EPHA3: variants seen among roughly 807,000 people sequenced by gnomAD.
The protein encoded by EPHA3 is EPH receptor A3.
In EPHA3, 42 loss-of-function variants were observed where a neutral mutation model predicts 107.1. The observed-to-expected ratio is 0.39, with a 90% confidence interval of 0.31 to 0.51. The LOEUF is 0.51. Among genes scored for constraint, EPHA3 ranks in the 20% least tolerant of loss-of-function variants. EPHA3 has a pLI of 0.78. For synonymous variants in EPHA3, 461 were observed against 424.8 expected (o/e 1.09, Z -1.05); for missense variants, 1,183 against 1,211.2 (o/e 0.98, Z 0.35).
At chr3:89,233,162 AAT>A (rs752198556) in intron 3 of EPHA3, among the ~76,000 whole-genome samples, 1 of 151,808 alleles carries the variant, frequency 6.6e-6, no homozygotes, top group South Asian at 2.1e-4. Context: ...GAGTATTTGA[AAT>A]ATATATATAT....
intron 3 of EPHA3, among the ~76,000 whole-genome samples, chr3:89,283,275 T>C (rs1368742239): frequency 6.6e-6 from 1 of 152,142 alleles, no homozygotes; most frequent in Non-Finnish European, 1.5e-5. Flanking sequence ...TGAAACGTCA[T>C]GGAATTCTAA....
intron 2 of EPHA3, among the ~76,000 whole-genome samples, chr3:89,150,920 G>T (rs943402606): frequency 9.2e-5 from 14 of 152,090 alleles, no homozygotes; most frequent in Middle Eastern, 3.4e-3. Flanking sequence ...AGGCTGCAGT[G>T]AGCTATGGAT....
intron 3 of EPHA3, among the ~76,000 whole-genome samples, chr3:89,229,553 A>G (rs1704580066): frequency 6.6e-6 from 1 of 151,084 alleles, no homozygotes; most frequent in African/African-American, 2.4e-5. Flanking sequence ...ATATATATTT[A>G]ATTAGGTTTC....
intron 2 of EPHA3, among the ~76,000 whole-genome samples, chr3:89,207,710 G>T (rs1389504096): frequency 1.3e-5 from 2 of 151,846 alleles, no homozygotes; most frequent in Non-Finnish European, 2.9e-5. Flanking sequence ...TTTATAATGG[G>T]CTTCACAAGG....
In EPHA3 at chr3:89,479,692, G is replaced by A. The variant is rs1256045467; in HGVS notation, c.*190G>A. 3 of 508,354 alleles carry A rather than the reference G, an allele frequency of 5.9e-6. No individual in the cohort carries two copies. Among genetic ancestry groups the A allele is most frequent in the Non-Finnish European group, 1.1e-5 (3 of 285,244 alleles). 31.5% of individuals were successfully genotyped at this position (508,354 alleles called of 1,614,324 possible). On this transcript the variant is annotated 3_prime_UTR_variant, in exon 17 of 17. Transcript: ENST00000336596. ...TTTTCCCCTATCATTTATTGGATGG[G>A]TGGGTGGGGTATTTTTTTGTAATTG...
chr3:89,194,203 T>C (rs1286892957), intron 2 of EPHA3, among the ~76,000 whole-genome samples: 5 of 151,986 alleles, frequency 3.3e-5, no homozygotes, highest in Admixed American at 2.6e-4. Context: ...AGTACATGGA[T>C]TGATGTGCTA....
At chr3:89,165,127 A>G (rs1456212501) in intron 2 of EPHA3, among the ~76,000 whole-genome samples, 1 of 152,200 alleles carries the variant, frequency 6.6e-6, no homozygotes, top group Non-Finnish European at 1.5e-5. Context: ...TTTGTAAGTG[A>G]TTCTAATGCA....
rs144010910 is a variant in EPHA3, at chr3:89,362,206, T to C, written c.1306+20116T>C. On this transcript the variant is annotated intron_variant, in intron 5 of 16. Transcript: ENST00000336596. ...TAATCCAGAAGATCTTCATTTCTTT[T>C]TGGGTTGAACATATCTGCTATCTTG... Among the ~76,000 whole-genome samples, 606 of 151,230 alleles carry C rather than the reference T, an allele frequency of 4.0e-3. 16 individuals carry two copies. The highest frequency in any genetic ancestry group is 0.014 in the African/African-American group (566 of 41,460).
At chr3:89,143,866 T>C (rs1160187393) in intron 2 of EPHA3, among the ~76,000 whole-genome samples, 2 of 151,672 alleles carry the variant, frequency 1.3e-5, no homozygotes, top group Non-Finnish European at 3.0e-5. Context: ...TAGTCAATAA[T>C]ATATTTTACC....
At chr3:89,230,824 T>TCA (rs61566796) in intron 3 of EPHA3, among the ~76,000 whole-genome samples, 3,408 of 139,508 alleles carry the variant, frequency 0.024, 54 homozygotes, top group South Asian at 0.044. Context: ...TCTCTCTCTC[T>TCA]CACACACACA....
At chr3:89,435,230 A>G (rs1709643721) in intron 13 of EPHA3, among the ~76,000 whole-genome samples, 1 of 151,868 alleles carries the variant, frequency 6.6e-6, no homozygotes, top group South Asian at 2.1e-4. Context: ...ATTTAAAGCT[A>G]AATTATAACT....
chr3:89,478,996 C>G (rs1232577497), intron 16 of EPHA3, among the ~76,000 whole-genome samples: 1 of 152,164 alleles, frequency 6.6e-6, no homozygotes, highest in Non-Finnish European at 1.5e-5. Context: ...GGCAACATAA[C>G]TCCAATCTCT....
At chr3:89,378,679 C>A (rs913895703) in intron 5 of EPHA3, among the ~76,000 whole-genome samples, 1 of 152,114 alleles carries the variant, frequency 6.6e-6, no homozygotes, top group African/African-American at 2.4e-5. Context: ...CTGAGGTTAA[C>A]AATTAGAAGT....
intron 3 of EPHA3, among the ~76,000 whole-genome samples, chr3:89,280,810 T>C (rs916314974): frequency 1.3e-5 from 2 of 152,038 alleles, no homozygotes; most frequent in African/African-American, 4.8e-5. Flanking sequence ...TAGGGTAGAT[T>C]TTGAGTTATT....
intron 5 of EPHA3, among the ~76,000 whole-genome samples, chr3:89,392,531 T>A (rs1015343744): frequency 1.3e-5 from 2 of 152,150 alleles, no homozygotes; most frequent in Non-Finnish European, 2.9e-5. Context: ...CTGAGATTTC[T>A]CTTCCTTCTT....
chr3:89,381,225 G>A, intron 5 of EPHA3, among the ~76,000 whole-genome samples: 1 of 152,026 alleles, frequency 6.6e-6, no homozygotes, highest in East Asian at 2.0e-4. Flanking sequence ...GCCTGCCTCG[G>A]CCTCCCAGAG....
intron 13 of EPHA3, among the ~76,000 whole-genome samples, chr3:89,445,226 G>C (rs1459235187): frequency 6.6e-6 from 1 of 152,050 alleles, no homozygotes; most frequent in Non-Finnish European, 1.5e-5. Flanking sequence ...AGAACGCACT[G>C]CACCACCGCA....
intron 3 of EPHA3, among the ~76,000 whole-genome samples, chr3:89,227,869 A>T (rs1187210606): frequency 1.3e-5 from 2 of 151,930 alleles, no homozygotes; most frequent in East Asian, 3.8e-4. Flanking sequence ...GGAAAGGTCA[A>T]ATGACTTAAG....
Position 89,472,495 on chromosome 3 carries a change from G to A in EPHA3, c.2722G>A (p.Val908Met), listed in dbSNP as rs1710424540. Residue 908 changes from valine to methionine, a missense_variant, in exon 16 of 17, where the codon GTG becomes ATG. Val to Met is a conservative substitution (Grantham distance 21). Coordinates refer to ENST00000336596, the MANE Select transcript of EPHA3 (RefSeq NM_005233.6). Reference protein sequence around the residue: ...PSNLLLDQSNVDITTFRTTGD... With the variant: ...PSNLLLDQSNMDITTFRTTGD... Reference sequence around the variant, plus strand: ...AAACCTTCTTCTGGACCAAAGCAATGTGGATATCACTACCTTCCGCACAAC... The same window carrying A: ...AAACCTTCTTCTGGACCAAAGCAATATGGATATCACTACCTTCCGCACAAC... 6.2e-7 allele frequency: 1 copy of A among 1,613,990 alleles called. No homozygotes were observed. Among genetic ancestry groups the A allele is most frequent in the Non-Finnish European group, 8.5e-7 (1 of 1,179,964 alleles).
Sources: allele counts gnomAD v4.1 joint callset (sites outside exome capture counted in the v4.1 genomes callset), GRCh38; gene constraint gnomAD v4.1.1; transcripts MANE v1.5; gene names NCBI Gene and HGNC (gene_info 2026-07-23, HGNC 2026-07-21).